JAK1: variants seen among roughly 807,000 people sequenced by gnomAD.
JAK1 encodes the protein Janus kinase 1.
A neutral mutation model predicts 136.6 loss-of-function variants in JAK1; 16 were observed. The ratio of observed to expected loss-of-function variants is 0.12; its 90% confidence interval spans 0.08 to 0.18. The LOEUF (loss-of-function observed/expected upper bound fraction) is 0.18. JAK1 is among the 10% of genes least tolerant of loss of function. JAK1 has a pLI of 1.00. For synonymous variants in JAK1, 492 were observed against 519.5 expected, an observed-to-expected ratio of 0.95 and a Z score of 0.72; for missense variants, 859 against 1,450.1, an observed-to-expected ratio of 0.59 and a Z score of 6.62.
rs542831244 is a variant in JAK1 at position 64,841,657 on chromosome 1, A to G, written c.2404-56T>C. 49 of 1,575,642 alleles carry G rather than the reference A, an allele frequency of 3.1e-5. No homozygotes were observed. The South Asian group carries it at 5.2e-4, about 17-fold the overall frequency. ...CAAAGGAACCACCTACAAACTTCTC[A>G]GCCCCAGGTCAGGTGGAATTGCCAA... On this transcript the variant is annotated intron_variant, in intron 17 of 24. Transcript: ENST00000342505.
chr1:64,839,835 C>T, intron 19 of JAK1, 40 bp from the exon 20 acceptor site: 1 of 1,515,714 alleles, frequency 6.6e-7, no homozygotes, highest in South Asian at 1.2e-5. Context: ...AGGGAAGCCC[C>T]ATCGTAGGCC....
At chr1:64,987,636 AG>A (rs148756672) in intron 2 of JAK1, 447 of 152,348 alleles carry the variant, frequency 2.9e-3, no homozygotes, top group African/African-American at 0.01. Context: ...GGCAACCAGA[AG>A]CCAAGGCAGG....
At position 65,059,026 on chromosome 1, in the gene JAK1, A is replaced by C. The variant is rs74626544; in HGVS notation, c.-181+8578T>G. On this transcript the variant is annotated intron_variant, in intron 1 of 25. Transcript: ENST00000671954. ...TCTGCCAAACATTCAAAACTGCTCT[A>C]TATGTTTTCTCATTTGGTTTTCACA... Among the ~76,000 whole-genome samples, 994 of 152,052 alleles carry C rather than the reference A, an allele frequency of 6.5e-3. 12 individuals are homozygous for C. Among genetic ancestry groups the C allele is most frequent in the African/African-American group, 0.023 (964 of 41,456 alleles).
chr1:65,065,587 T>C (rs767423243), intron 1 of JAK1, among the ~76,000 whole-genome samples: 10 of 151,734 alleles, frequency 6.6e-5, no homozygotes, highest in Non-Finnish European at 1.3e-4. Flanking sequence ...TGTTGGAATA[T>C]TCAGGACAGG....
At chr1:65,035,961 A>C (rs575397774) in intron 2 of JAK1, among the ~76,000 whole-genome samples, 1 of 152,018 alleles carries the variant, frequency 6.6e-6, no homozygotes, top group Non-Finnish European at 1.5e-5. Context: ...CCAGCTACTC[A>C]GGAGGCTGAG....
At chr1:64,845,790 G>A in intron 14 of JAK1, 150 bp from the exon 15 acceptor site, 1 of 887,914 alleles carries the variant, frequency 1.1e-6, no homozygotes, top group South Asian at 1.6e-5. Context: ...GGGCTTCAGA[G>A]CTGGAAAGGC....
intron 1 of JAK1, among the ~76,000 whole-genome samples, chr1:64,959,002 G>C (rs914080494): frequency 6.6e-6 from 1 of 152,216 alleles, no homozygotes; most frequent in Non-Finnish European, 1.5e-5. Flanking sequence ...AGCCTTTTCA[G>C]CTGAAGTGGA....
intron 2 of JAK1, among the ~76,000 whole-genome samples, chr1:65,011,881 T>C (rs192143449): frequency 7.2e-5 from 11 of 152,350 alleles, no homozygotes; most frequent in Admixed American, 3.3e-4. Context: ...GGCTAAGGCC[T>C]GAGGGGCTTC....
intron 2 of JAK1, among the ~76,000 whole-genome samples, chr1:65,016,055 C>T (rs1646889652): frequency 6.6e-6 from 1 of 152,258 alleles, no homozygotes; most frequent in South Asian, 2.1e-4. Flanking sequence ...GGTAGATAAA[C>T]CTTGAAGACA....
chr1:65,046,129 CAG>C lies in JAK1; in HGVS notation c.-180-1549_-180-1548del, dbSNP rs764689984. Among the ~76,000 whole-genome samples the C allele has an allele frequency of 1.4e-4, 22 of 152,308 alleles. No individual in the cohort carries two copies. In the East Asian group the frequency reaches 2.7e-3, roughly 19 times the overall value. On this transcript the variant is annotated intron_variant, in intron 1 of 25. Coordinates refer to the JAK1 transcript ENST00000671954. ...AGGGAGTGCACAGAAAAATGGAGAGCAGAGTGTCCACAGACATCACTATTATT... is the reference window on the plus strand; with the variant it reads ...AGGGAGTGCACAGAAAAATGGAGAGCAGTGTCCACAGACATCACTATTATT...
rs1027595891 is a variant in JAK1 at position 64,838,164 on chromosome 1, A to C, written c.2968-60T>G. 5 of 1,454,826 alleles carry C rather than the reference A, an allele frequency of 3.4e-6. 1 individual carries two copies. The African/African-American group carries it at 4.3e-5, about 12-fold the overall frequency. 90.1% of individuals were successfully genotyped at this position (1,454,826 alleles called of 1,614,324 possible). A position where few individuals can be genotyped will look rare whatever the true frequency, so the allele number is the denominator to read the frequency against. ...AAAGTCACTTTAGATTGTATTATCT[A>C]TCACTTCATCAGAAAAAATAGAAAT... On this transcript the variant is annotated intron_variant, in intron 21 of 24. Coordinates refer to ENST00000342505, the MANE Select transcript of JAK1 (RefSeq NM_002227.4).
chr1:64,842,083 C>T (rs1196565789), intron 17 of JAK1, among the ~76,000 whole-genome samples: 2 of 152,098 alleles, frequency 1.3e-5, no homozygotes, highest in Non-Finnish European at 2.9e-5. Context: ...TTAACTCTTA[C>T]ATTAAATTTG....
intron 2 of JAK1, among the ~76,000 whole-genome samples, chr1:65,035,567 C>T (rs1050591939): frequency 6.6e-6 from 1 of 152,212 alleles, no homozygotes; most frequent in African/African-American, 2.4e-5. Context: ...ACACTTCCTA[C>T]TTCAACAAGT....
At chr1:64,887,718 G>A (rs1434962224) in intron 1 of JAK1, among the ~76,000 whole-genome samples, 2 of 152,288 alleles carry the variant, frequency 1.3e-5, no homozygotes, top group Admixed American at 6.5e-5. Context: ...AGGAGGGAAG[G>A]GACATTGAGT....
In JAK1 at chr1:64,851,013, T is replaced by G. The variant is rs575345793; in HGVS notation, c.1649-103A>C. ...GGCCGTGGGACCGGTGTGCGGGCGCTTGCTGCTTCAGTCATTCGACAAGTG... is the reference window on the plus strand; with the variant it reads ...GGCCGTGGGACCGGTGTGCGGGCGCGTGCTGCTTCAGTCATTCGACAAGTG... On this transcript the variant is annotated intron_variant, in intron 11 of 24. Transcript: ENST00000342505. The G allele has an allele frequency of 5.3e-6, 4 of 751,216 alleles. No homozygotes were observed. The South Asian group carries it at 6.0e-5, about 11-fold the overall frequency. The allele number at this position is 751,216 out of a possible 1,614,324, so 46.5% of individuals were successfully genotyped here. A position where few individuals can be genotyped will look rare whatever the true frequency, so the allele number is the denominator to read the frequency against.
chr1:64,910,843 CAA>C (rs369528546), intron 1 of JAK1, among the ~76,000 whole-genome samples: 6,491 of 89,160 alleles, frequency 0.073, 219 homozygotes, highest in Admixed American at 0.2. Context: ...GACTCTGTCT[CAA>C]AAAAAAAAAA....
chr1:64,946,026 G>T (rs906128081), intron 1 of JAK1, among the ~76,000 whole-genome samples: 7 of 152,010 alleles, frequency 4.6e-5, no homozygotes, highest in Non-Finnish European at 5.9e-5. Context: ...CATGAGCCAC[G>T]GCACCCGGCC....
At chr1:64,913,995 G>A (rs1173829732) in intron 1 of JAK1, among the ~76,000 whole-genome samples, 1 of 152,160 alleles carries the variant, frequency 6.6e-6, no homozygotes, top group Non-Finnish European at 1.5e-5. Context: ...CAGACATGGG[G>A]CTACAGCAGT....
intron 1 of JAK1, among the ~76,000 whole-genome samples, chr1:64,953,925 T>C (rs980373191): frequency 3.3e-5 from 5 of 152,220 alleles, no homozygotes; most frequent in African/African-American, 1.2e-4. Context: ...TCTGCCTGCC[T>C]TGGCCTCCCA....
Sources: gnomAD v4.1 joint callset for allele counts (sites outside exome capture counted in the v4.1 genomes callset) on GRCh38, gnomAD v4.1.1 for gene constraint, MANE v1.5 for transcripts, NCBI Gene and HGNC (gene_info 2026-07-23, HGNC 2026-07-21) for gene names.